The following AGAP1 variants were observed in gnomAD, a reference collection of about 807,000 sequenced individuals.
AGAP1 encodes the protein ArfGAP with GTPase domain, ankyrin repeat and PH domain 1, also known as arf-GAP with GTPase, ANK repeat and PH domain-containing protein 1.
In AGAP1, 29 loss-of-function variants were observed where a neutral mutation model predicts 105.3. That is an observed-to-expected ratio of 0.28 (90% CI 0.21 to 0.38). AGAP1 has a LOEUF of 0.38. AGAP1 is among the 10% of genes least tolerant of loss of function. The probability of loss-of-function intolerance (pLI) is 1.00; values close to 1 mark genes in which losing one functional copy is unlikely to be tolerated. For synonymous variants in AGAP1, 509 were observed against 485.9 expected (o/e 1.05, Z -0.63); for missense variants, 998 against 1,165.1 (o/e 0.86, Z 2.09).
At chr2:235,560,793 C>T (rs548262167) in intron 1 of AGAP1, among the ~76,000 whole-genome samples, 1 of 152,178 alleles carries the variant, frequency 6.6e-6, no homozygotes, top group East Asian at 1.9e-4. Context: ...AGTGAAATCA[C>T]GTCGTTCTAA....
rs892808560 is a variant in AGAP1 at position 235,753,044 on chromosome 2, A to G, written c.673+2556A>G. ...CCCATAAAGGCACTTAACCCATCACAGGGTTCCACCCTTGTGATCAGTCAC... is the reference window on the plus strand; with the variant it reads ...CCCATAAAGGCACTTAACCCATCACGGGGTTCCACCCTTGTGATCAGTCAC... On this transcript the variant is annotated intron_variant, in intron 6 of 17. Coordinates refer to ENST00000304032, the MANE Select transcript of AGAP1 (RefSeq NM_001037131.3). This position sits in a 1 kb window ranked among gnomAD's most constrained non-coding sequence, Gnocchi z 4.5. 4.6e-5 allele frequency among the ~76,000 whole-genome samples: 7 copies of G among 152,298 alleles called. No individual in the cohort carries two copies. Among genetic ancestry groups the G allele is most frequent in the African/African-American group, 1.4e-4 (6 of 41,566 alleles).
rs192987136 is a variant in AGAP1 at position 235,688,418 on chromosome 2, C to T, written c.164-20761C>T. 4.6e-5 allele frequency among the ~76,000 whole-genome samples: 7 copies of T among 152,226 alleles called. No individual in the cohort carries two copies. The East Asian group carries it at 5.8e-4, about 13-fold the overall frequency. On this transcript the variant is annotated intron_variant, in intron 1 of 17. Transcript: ENST00000304032. ...TTTCATTCTCTCTGGAAGGTCATGA[C>T]GGTCCCCTCCACTCACTCACCTCTC...
chr2:235,767,827 C>T (rs181702928), intron 6 of AGAP1, among the ~76,000 whole-genome samples: 22 of 144,880 alleles, frequency 1.5e-4, no homozygotes, highest in Admixed American at 1.2e-3. Flanking sequence ...CTCTGTCGCC[C>T]GGGCTGGAGT....
At chr2:235,681,916 T>G (rs922629141) in intron 1 of AGAP1, among the ~76,000 whole-genome samples, 1 of 136,426 alleles carries the variant, frequency 7.3e-6, no homozygotes, top group Non-Finnish European at 1.6e-5. Flanking sequence ...AGTGGCACAA[T>G]CTCAGCTCAC....
intron 1 of AGAP1, among the ~76,000 whole-genome samples, chr2:235,630,770 C>T (rs1385317479): frequency 2.0e-5 from 3 of 152,202 alleles, no homozygotes; most frequent in African/African-American, 7.2e-5. Context: ...TGTCCTTCAT[C>T]GGAACAGGAC....
At chr2:235,676,905 A>G (rs1397897117) in intron 1 of AGAP1, among the ~76,000 whole-genome samples, 1 of 152,188 alleles carries the variant, frequency 6.6e-6, no homozygotes, top group Non-Finnish European at 1.5e-5. Flanking sequence ...TAAGAACAGA[A>G]TTGGTATTAA....
intron 6 of AGAP1, among the ~76,000 whole-genome samples, chr2:235,786,220 C>G (rs992931377): frequency 3.3e-5 from 5 of 152,192 alleles, no homozygotes; most frequent in African/African-American, 9.7e-5. Context: ...GATTTGCATC[C>G]AGCTTGAGAA....
chr2:235,694,691 A>G (rs940402164), intron 1 of AGAP1, among the ~76,000 whole-genome samples: 1 of 151,412 alleles, frequency 6.6e-6, no homozygotes, highest in Non-Finnish European at 1.5e-5. Flanking sequence ...CTACCTTCCC[A>G]AGGACACTTG....
chr2:235,865,490 G>C lies in AGAP1; in HGVS notation c.1051-17855G>C, dbSNP rs2049121762. Among the ~76,000 whole-genome samples the C allele has an allele frequency of 6.6e-6, 1 of 152,172 alleles. No individual in the cohort carries two copies. Among genetic ancestry groups the C allele is most frequent in the South Asian group, 2.1e-4 (1 of 4,832 alleles). ...ATTAAAGTGTAACCCTTTGTGCCCT[G>C]CAACCTGGCACAACGACAGAAATAT... On this transcript the variant is annotated intron_variant, in intron 9 of 17. Transcript: ENST00000304032. This position sits in a 1 kb window ranked among gnomAD's most constrained non-coding sequence, Gnocchi z 6.2.
Position 235,655,065 on chromosome 2 carries a change from G to T in AGAP1, c.164-54114G>T, listed in dbSNP as rs1249989875. Among the ~76,000 whole-genome samples, 12 of 147,636 alleles carry T rather than the reference G, an allele frequency of 8.1e-5. No homozygotes were observed. The highest frequency in any genetic ancestry group is 3.0e-5 in the Non-Finnish European group (2 of 66,882). On this transcript the variant is annotated intron_variant, in intron 1 of 17. Coordinates refer to ENST00000304032, the MANE Select transcript of AGAP1 (RefSeq NM_001037131.3). The surrounding 1 kb of genome is among the most constrained non-coding windows in gnomAD (Gnocchi z 4.3). ...GAATATTAATTACTATATCCAGAAT[G>T]ATCCTCTTTTTTTTTTTTTTGAGTT...
chr2:235,523,188 A>C lies in AGAP1; in HGVS notation c.163+28339A>C, dbSNP rs75306388. Among the ~76,000 whole-genome samples the C allele has an allele frequency of 7.8e-3, 1,180 of 152,202 alleles. 19 individuals are homozygous for C. Among genetic ancestry groups the C allele is most frequent in the East Asian group, 0.066 (341 of 5,158 alleles). ...TTCCTGTAAGGACACTGATCCCATCATGCTCCTCACGGCCATGACCTCATC... is the reference window on the plus strand; with the variant it reads ...TTCCTGTAAGGACACTGATCCCATCCTGCTCCTCACGGCCATGACCTCATC... On this transcript the variant is annotated intron_variant, in intron 1 of 17. Transcript: ENST00000304032.
intron 1 of AGAP1, among the ~76,000 whole-genome samples, chr2:235,514,590 T>C (rs1357155868): frequency 1.3e-5 from 2 of 152,382 alleles, no homozygotes. Flanking sequence ...GGCAAGCCTC[T>C]TTTAACCCAC....
At chr2:235,648,601 C>G (rs1356642375) in intron 1 of AGAP1, among the ~76,000 whole-genome samples, 1 of 150,952 alleles carries the variant, frequency 6.6e-6, no homozygotes, top group Non-Finnish European at 1.5e-5. Flanking sequence ...TGGCCGGGCG[C>G]GGTGGCTCAT....
chr2:236,108,100 A>G (rs1487744915), intron 16 of AGAP1, among the ~76,000 whole-genome samples: 1 of 152,230 alleles, frequency 6.6e-6, no homozygotes, highest in Non-Finnish European at 1.5e-5. Flanking sequence ...AGGAATAAAT[A>G]TCCATTGGCC....
chr2:235,834,841 G>A (rs1440533378), intron 9 of AGAP1, among the ~76,000 whole-genome samples: 11 of 152,344 alleles, frequency 7.2e-5, no homozygotes, highest in Admixed American at 5.2e-4. Context: ...AGAGGCTCGG[G>A]TCTAGTGGTG....
intron 9 of AGAP1, among the ~76,000 whole-genome samples, chr2:235,878,066 G>A (rs1559597252): frequency 6.6e-6 from 1 of 152,214 alleles, no homozygotes; most frequent in Non-Finnish European, 1.5e-5. Flanking sequence ...GTGGAAACCC[G>A]AGAGTGTGGC....
Position 235,777,017 on chromosome 2 carries a change from T to G in AGAP1, c.674-20742T>G. The G allele has an allele frequency of 2.1e-6, 1 of 471,206 alleles. No individual in the cohort carries two copies. The allele number at this position is 471,206 out of a possible 1,614,324, so 29.2% of individuals were successfully genotyped here. On this transcript the variant is annotated intron_variant, in intron 6 of 17. Coordinates refer to ENST00000304032, the MANE Select transcript of AGAP1 (RefSeq NM_001037131.3). This position sits in a 1 kb window ranked among gnomAD's most constrained non-coding sequence, Gnocchi z 5.1. ...CAGCACGTTTTATCATGTGAGCGTC[T>G]GCTCTTGAGAGGCCAGGCTGGATCC...
Position 235,701,585 on chromosome 2 carries a change from A to G in AGAP1, c.164-7594A>G, listed in dbSNP as rs1404737580. Among the ~76,000 whole-genome samples the G allele has an allele frequency of 1.3e-5, 2 of 152,216 alleles. No individual in the cohort carries two copies. Among genetic ancestry groups the G allele is most frequent in the African/African-American group, 4.8e-5 (2 of 41,452 alleles). ...CAGGGAAGCCTGAAACCAATCTGGT[A>G]TCCCCAGGGTTTATGTTTTATTTCA... On this transcript the variant is annotated intron_variant, in intron 1 of 17. Transcript: ENST00000304032. This position sits in a 1 kb window ranked among gnomAD's most constrained non-coding sequence, Gnocchi z 4.1.
chr2:235,977,094 T>G lies in AGAP1; in HGVS notation c.1645+8471T>G, dbSNP rs2054893557. Among the ~76,000 whole-genome samples the G allele has an allele frequency of 6.6e-6, 1 of 152,098 alleles. No individual in the cohort carries two copies. Among genetic ancestry groups the G allele is most frequent in the Non-Finnish European group, 1.5e-5 (1 of 68,014 alleles). On this transcript the variant is annotated intron_variant, in intron 13 of 17. Transcript: ENST00000304032. The surrounding 1 kb of genome is among the most constrained non-coding windows in gnomAD (Gnocchi z 5.2). Reference sequence around the variant, plus strand: ...AGACTTAGAGATTCTCTTCTGCGAGTGGGGCTCGGTTAGCACAAGCTGCTC... The same window carrying G: ...AGACTTAGAGATTCTCTTCTGCGAGGGGGGCTCGGTTAGCACAAGCTGCTC...
Sources: gnomAD v4.1 joint callset for allele counts (sites outside exome capture counted in the v4.1 genomes callset) on GRCh38, gnomAD v4.1.1 for gene constraint, Gnocchi (gnomAD v3.1) non-coding constraint, MANE v1.5 for transcripts, NCBI Gene and HGNC (gene_info 2026-07-23, HGNC 2026-07-21) for gene names.